The following CFAP70 variants were observed in gnomAD, a reference collection of about 807,000 sequenced individuals.
CFAP70 encodes cilia- and flagella-associated protein 70.
In CFAP70, 81 loss-of-function variants were observed where a neutral mutation model predicts 137.6. The observed-to-expected ratio is 0.59, with a 90% CI of 0.49 to 0.71. The LOEUF (loss-of-function observed/expected upper bound fraction) is 0.71. CFAP70 is among the 30% of genes least tolerant of loss of function. The pLI is 0.00. For missense variants in CFAP70, 976 were observed against 1,226.7 expected (o/e 0.80, Z 3.05); for synonymous variants, 382 against 423.6 (o/e 0.90, Z 1.20).
intron 9 of CFAP70, among the ~76,000 whole-genome samples, chr10:73,314,584 T>C (rs2050181465): frequency 6.6e-6 from 1 of 152,106 alleles, no homozygotes; most frequent in South Asian, 2.1e-4. Context: ...TGTCAGTTGG[T>C]TCATTACTTT....
At chr10:73,347,257 A>G (rs546669051) in intron 4 of CFAP70, among the ~76,000 whole-genome samples, 2 of 152,270 alleles carry the variant, frequency 1.3e-5, no homozygotes, top group East Asian at 1.9e-4. Flanking sequence ...CAGTGGGTGA[A>G]TCCATGAACT....
At chr10:73,270,527 CTCCCCTCCCCT>C in intron 24 of CFAP70, among the ~76,000 whole-genome samples, 1 of 50,604 alleles carries the variant, frequency 2.0e-5, no homozygotes, top group Non-Finnish European at 4.1e-5. Context: ...TCCCCTCCCC[CTCCCCTCCCCT>C]CCCCTTCCCT....
intron 19 of CFAP70, among the ~76,000 whole-genome samples, chr10:73,289,649 A>T (rs7894506): frequency 0.11 from 16,051 of 152,168 alleles, 1,221 homozygotes; most frequent in East Asian, 0.3. Context: ...CTTTGAAAAG[A>T]TTATGTTAGG....
chr10:73,267,396 T>C (rs983481027), intron 25 of CFAP70, among the ~76,000 whole-genome samples: 8 of 152,046 alleles, frequency 5.3e-5, no homozygotes, highest in Non-Finnish European at 1.2e-4. Flanking sequence ...GTTTCAAGAG[T>C]GGTAGCTGAA....
At chr10:73,307,973 CAT>C (rs1297612990) in intron 12 of CFAP70, among the ~76,000 whole-genome samples, 1 of 144,290 alleles carries the variant, frequency 6.9e-6, no homozygotes, top group Non-Finnish European at 1.5e-5. Context: ...AGTGAAACTC[CAT>C]CTCTACTAAA....
chr10:73,322,807 G>A (rs575465496), intron 9 of CFAP70, among the ~76,000 whole-genome samples, 156 bp downstream of exon 10: 2 of 152,192 alleles, frequency 1.3e-5, no homozygotes, highest in African/African-American at 2.4e-5. Flanking sequence ...ATTTTTAAAG[G>A]TCCAATGCAG....
Position 73,299,081 on chromosome 10 carries a change from T to C in CFAP70, c.1338A>G (p.Ile446Met), listed in dbSNP as rs770414882. 16 of 1,612,626 alleles carry C rather than the reference T, an allele frequency of 9.9e-6. No individual in the cohort carries two copies. The African/African-American group carries it at 2.1e-4, about 22-fold the overall frequency. Residue 446 changes from isoleucine to methionine, a missense_variant, in exon 14 of 27, where the codon ATA (isoleucine) becomes ATG (methionine). Coordinates refer to ENST00000310715, the Ensembl canonical transcript of CFAP70. ...TGGCTCTAGAAATATTCTTGATCTG[T>C]ATGTGGTAGTCACTCACTGCCTAAG...
intron 1 of CFAP70, among the ~76,000 whole-genome samples, chr10:73,358,554 A>G (rs563205816): frequency 6.6e-6 from 1 of 152,318 alleles, no homozygotes; most frequent in South Asian, 2.1e-4. Context: ...CAGAGTCCGC[A>G]CCTGGCCGGG....
At chr10:73,343,533 AC>A (rs1211220059) in intron 5 of CFAP70, among the ~76,000 whole-genome samples, 4 of 151,966 alleles carry the variant, frequency 2.6e-5, no homozygotes, top group African/African-American at 9.7e-5. Context: ...ACATGGTGAA[AC>A]CCCCTCTCTA....
chr10:73,354,998 G>A (rs1161595909), intron 1 of CFAP70, among the ~76,000 whole-genome samples, 163 bp from the exon 2 acceptor site: 3 of 152,178 alleles, frequency 2.0e-5, no homozygotes, highest in Admixed American at 6.5e-5. Flanking sequence ...AGTGCTTTAG[G>A]GAGCTGGTCA....
intron 1 of CFAP70, among the ~76,000 whole-genome samples, chr10:73,357,328 C>A (rs978051860): frequency 2.0e-5 from 3 of 152,152 alleles, no homozygotes; most frequent in Non-Finnish European, 4.4e-5. Flanking sequence ...TGGGACCTAG[C>A]TGGATTTGAG....
intron 7 of CFAP70, among the ~76,000 whole-genome samples, chr10:73,333,838 A>C (rs2052359755): frequency 6.6e-6 from 1 of 151,796 alleles, no homozygotes; most frequent in African/African-American, 2.4e-5. Flanking sequence ...TCATAAATGA[A>C]GGTAAAATAA....
intron 9 of CFAP70, among the ~76,000 whole-genome samples, chr10:73,317,281 G>A (rs1355772799): frequency 6.6e-6 from 1 of 152,140 alleles, no homozygotes; most frequent in Non-Finnish European, 1.5e-5. Flanking sequence ...ACCTCCCAAA[G>A]TGCTGGGATT....
intron 5 of CFAP70, among the ~76,000 whole-genome samples, chr10:73,342,466 C>A (rs2053333919): frequency 6.6e-6 from 1 of 151,330 alleles, no homozygotes; most frequent in Admixed American, 6.6e-5. Flanking sequence ...TTGCTTGAGT[C>A]CAGAAGTTCA....
At chr10:73,359,262 A>C (rs544982709), upstream of CFAP70, among the ~76,000 whole-genome samples, 1 of 152,364 alleles carries the variant, frequency 6.6e-6, no homozygotes, top group Non-Finnish European at 1.5e-5. Flanking sequence ...AAGAGCTAGA[A>C]TAGCAAAACA....
exon 27 of CFAP70, chr10:73,253,950 A>G (rs368331949): frequency 5.7e-6 from 9 of 1,579,692 alleles, no homozygotes; most frequent in Non-Finnish European, 7.8e-6. Context: ...AGTCCCATGC[A>G]GAAAATTGTT....
chr10:73,275,703 G>C lies in CFAP70; in HGVS notation c.2521-105C>G. 9.9e-7 allele frequency: 1 copy of C among 1,011,226 alleles called. No individual in the cohort carries two copies. Among genetic ancestry groups the C allele is most frequent in the South Asian group, 2.3e-5 (1 of 43,582 alleles). The allele number at this position is 1,011,226 out of a possible 1,614,324, so 62.6% of individuals were successfully genotyped here. A position where few individuals can be genotyped will look rare whatever the true frequency, so the allele number is the denominator to read the frequency against. On this transcript the variant is annotated intron_variant, in intron 21 of 26. Coordinates refer to ENST00000310715, the Ensembl canonical transcript of CFAP70. This position sits in a 1 kb window ranked among gnomAD's most constrained non-coding sequence, Gnocchi z 4.0. ...AATAAATAATACGAAATGTATTACA[G>C]AATGAAATAATTATCCTCAACTTCA...
At chr10:73,262,084 G>GTA (rs932482623) in intron 25 of CFAP70, among the ~76,000 whole-genome samples, 4 of 143,882 alleles carry the variant, frequency 2.8e-5, no homozygotes, top group Admixed American at 2.1e-4. Context: ...TATTATATAT[G>GTA]TATATATATA....
intron 12 of CFAP70, among the ~76,000 whole-genome samples, chr10:73,308,399 CG>C (rs778716737): frequency 6.6e-5 from 10 of 151,960 alleles, no homozygotes; most frequent in Non-Finnish European, 1.3e-4. Context: ...GAGGCCGAAG[CG>C]GGCAGATCAC....
Sources: gnomAD v4.1 joint callset for allele counts (sites outside exome capture counted in the v4.1 genomes callset) on GRCh38, gnomAD v4.1.1 for gene constraint, Gnocchi (gnomAD v3.1) non-coding constraint, MANE v1.5 for transcripts, NCBI Gene and HGNC (gene_info 2026-07-23, HGNC 2026-07-21) for gene names.